RPS6KC1: variants seen among roughly 807,000 people sequenced by gnomAD.
The protein encoded by RPS6KC1 is ribosomal protein S6 kinase C1.
RPS6KC1 carries 54 observed loss-of-function variants against 103.8 expected under a neutral mutation model. That is an observed-to-expected ratio of 0.52 (90% CI 0.42 to 0.65). The LOEUF (loss-of-function observed/expected upper bound fraction) is 0.65. Among genes scored for constraint, RPS6KC1 ranks in the 30% least tolerant of loss-of-function variants. RPS6KC1 has a pLI of 0.00. For missense variants in RPS6KC1, 1,151 were observed against 1,253.8 expected, an observed-to-expected ratio of 0.92 and a Z score of 1.24; for synonymous variants, 439 against 438.7, an observed-to-expected ratio of 1.00 and a Z score of -0.01.
At chr1:213,180,164 A>AG (rs887515732) in intron 8 of RPS6KC1, among the ~76,000 whole-genome samples, 4 of 151,862 alleles carry the variant, frequency 2.6e-5, no homozygotes, top group African/African-American at 9.7e-5. Flanking sequence ...AACCTGATTA[A>AG]AAAAAAATGT....
the RPS6KC1 span, among the ~76,000 whole-genome samples, chr1:213,676,097 G>A: frequency 0.99 from 150,901 of 152,320 alleles, 74,754 homozygotes; most frequent in Middle Eastern, 1. Flanking sequence ...TGAGAAGAAC[G>A]TGCATGTCTG....
the RPS6KC1 span, among the ~76,000 whole-genome samples, chr1:213,706,405 G>C: frequency 6.6e-6 from 1 of 152,102 alleles, no homozygotes; most frequent in Admixed American, 6.5e-5. Flanking sequence ...TGCTGCAACA[G>C]AAACACTCTT....
chr1:213,739,468 T>G, the RPS6KC1 span, among the ~76,000 whole-genome samples: 3 of 152,082 alleles, frequency 2.0e-5, no homozygotes, highest in African/African-American at 7.2e-5. Context: ...AAGGGTCAAC[T>G]GTAGTAAAAT....
At chr1:213,513,513 G>T in the RPS6KC1 span, among the ~76,000 whole-genome samples, 1 of 152,130 alleles carries the variant, frequency 6.6e-6, no homozygotes, top group South Asian at 2.1e-4. Flanking sequence ...CAAAAAATAG[G>T]CACAAAAAGC....
At position 213,241,137 on chromosome 1, in the gene RPS6KC1, T is replaced by C. The variant is rs368605950; in HGVS notation, c.1661T>C (p.Leu554Pro). Residue 554 changes from leucine (L) to proline (P), a missense_variant, in exon 11 of 15, where the codon CTT (leucine) becomes CCT (proline). Leu to Pro is a moderately conservative substitution (Grantham distance 98). Coordinates refer to ENST00000366960, the MANE Select transcript of RPS6KC1 (RefSeq NM_012424.6). The stretch of plus-strand genomic sequence containing the variant: ...GCTATTAAAAGCTTCCCAGCACACC[T>C]TGCTGCTGACAGTGACAGCCCCAGC... ...TKAIKSFPAH[L>P]AADSDSPSTQ... 3 of 1,613,770 alleles carry C rather than the reference T, an allele frequency of 1.9e-6. No individual in the cohort carries two copies. The African/African-American group carries it at 4.0e-5, about 22-fold the overall frequency.
At chr1:213,554,822 T>C in the RPS6KC1 span, among the ~76,000 whole-genome samples, 13 of 152,318 alleles carry the variant, frequency 8.5e-5, no homozygotes, top group South Asian at 2.3e-3. Flanking sequence ...GAACATACTC[T>C]AGAGTCTATC....
At chr1:213,336,083 G>C in the RPS6KC1 span, among the ~76,000 whole-genome samples, 6 of 152,140 alleles carry the variant, frequency 3.9e-5, no homozygotes, top group African/African-American at 1.4e-4. Context: ...AAGTTAAAGG[G>C]TCTAAAATGC....
chr1:213,735,886 T>C, the RPS6KC1 span, among the ~76,000 whole-genome samples: 4 of 152,242 alleles, frequency 2.6e-5, no homozygotes, highest in Non-Finnish European at 4.4e-5. Flanking sequence ...CTTAGAATCT[T>C]AGTCTGTGAA....
At chr1:213,812,402 T>C in the RPS6KC1 span, among the ~76,000 whole-genome samples, 1 of 152,220 alleles carries the variant, frequency 6.6e-6, no homozygotes, top group Non-Finnish European at 1.5e-5. Flanking sequence ...CAAAAATCTG[T>C]TTCTTTCCAT....
At chr1:213,097,463 C>T (rs1184857266) in intron 3 of RPS6KC1, among the ~76,000 whole-genome samples, 3 of 152,200 alleles carry the variant, frequency 2.0e-5, no homozygotes, top group African/African-American at 7.2e-5. Context: ...GAGGCTTTTT[C>T]TGTTGATGGA....
the RPS6KC1 span, among the ~76,000 whole-genome samples, chr1:213,556,054 T>A: frequency 6.6e-6 from 1 of 152,192 alleles, no homozygotes; most frequent in Non-Finnish European, 1.5e-5. Flanking sequence ...TAAGATGCTG[T>A]GAGAAAAGAA....
chr1:213,270,334 A>G (rs2095018077), intron 14 of RPS6KC1, among the ~76,000 whole-genome samples: 3 of 152,382 alleles, frequency 2.0e-5, no homozygotes. Flanking sequence ...AAATTGTAGA[A>G]GAAAACAAAG....
chr1:213,338,451 G>A, the RPS6KC1 span, among the ~76,000 whole-genome samples: 1 of 152,138 alleles, frequency 6.6e-6, no homozygotes, highest in African/African-American at 2.4e-5. Flanking sequence ...CTTCAACTGA[G>A]GCTTAGTAGT....
At chr1:213,470,293 A>G in the RPS6KC1 span, among the ~76,000 whole-genome samples, 6 of 152,120 alleles carry the variant, frequency 3.9e-5, no homozygotes, top group Non-Finnish European at 8.8e-5. Context: ...AAAACAGGTG[A>G]TTGGTTCTGT....
chr1:213,167,490 A>AAG (rs2091092814), intron 6 of RPS6KC1, among the ~76,000 whole-genome samples: 1 of 33,870 alleles, frequency 3.0e-5, no homozygotes, highest in African/African-American at 7.8e-5. Flanking sequence ...ACACACACAC[A>AAG]ACAGCTGTTG....
chr1:213,514,311 T>C, the RPS6KC1 span, among the ~76,000 whole-genome samples: 2 of 152,050 alleles, frequency 1.3e-5, no homozygotes, highest in Admixed American at 1.3e-4. Context: ...ACATGTGCCA[T>C]GTTGGTGTGC....
intron 6 of RPS6KC1, among the ~76,000 whole-genome samples, chr1:213,141,425 C>T (rs1454541573): frequency 6.6e-6 from 1 of 152,022 alleles, no homozygotes; most frequent in African/African-American, 2.4e-5. Flanking sequence ...TGGTAATAGT[C>T]TCTGAAGGTT....
chr1:213,306,088 A>C, the RPS6KC1 span, among the ~76,000 whole-genome samples: 1 of 152,208 alleles, frequency 6.6e-6, no homozygotes, highest in Non-Finnish European at 1.5e-5. Flanking sequence ...TGTGGCTTGA[A>C]GATCCAGTCG....
the RPS6KC1 span, among the ~76,000 whole-genome samples, chr1:213,503,516 A>G: frequency 6.6e-6 from 1 of 152,206 alleles, no homozygotes; most frequent in African/African-American, 2.4e-5. Flanking sequence ...TGACATATGT[A>G]GTACACTTCA....
Sources: allele counts gnomAD v4.1 joint callset (sites outside exome capture counted in the v4.1 genomes callset), GRCh38; gene constraint gnomAD v4.1.1; transcripts MANE v1.5; gene names NCBI Gene and HGNC (gene_info 2026-07-23, HGNC 2026-07-21).